The following RPL34 variants were observed in gnomAD, a reference collection of about 807,000 sequenced individuals.
RPL34 encodes ribosomal protein L34, also known as large ribosomal subunit protein eL34.
Under a neutral mutation model 16.3 loss-of-function variants are expected in RPL34, and 2 were observed. That is an observed-to-expected ratio of 0.12 (90% CI 0.05 to 0.39). RPL34 has a LOEUF of 0.39. RPL34 is among the 10% of genes least tolerant of loss of function. RPL34 has a pLI of 0.99. For missense variants in RPL34, 82 were observed against 148.8 expected (o/e 0.55, Z 2.33); for synonymous variants, 47 against 48.5 (o/e 0.97, Z 0.13).
chr4:108,622,228 C>CCCCTAACA (rs1278720197), intron 3 of RPL34, 24 bp downstream of exon 3: 34 of 1,494,212 alleles, frequency 2.3e-5, no homozygotes, highest in Non-Finnish European at 7.4e-6. Context: ...TTACTGTGTG[C>CCCCTAACA]AGCCTAACAA....
chr4:108,624,335 GT>G (rs1725906505), intron 4 of RPL34, among the ~76,000 whole-genome samples: 1 of 152,172 alleles, frequency 6.6e-6, no homozygotes, highest in Admixed American at 6.5e-5. Context: ...AAAACCCAGA[GT>G]TTTGAGGGTA....
intron 1 of RPL34, 105 bp downstream of exon 1, chr4:108,620,705 G>T (rs1374238655): frequency 5.1e-6 from 1 of 195,304 alleles, no homozygotes; most frequent in African/African-American, 2.3e-5. Context: ...CTTTGAGCTG[G>T]TGTAGGGGTA....
In RPL34 at chr4:108,622,541, T is replaced by C. The variant is rs925429853; in HGVS notation, c.192T>C (p.Leu64=). Residue 64 remains leucine, a synonymous_variant, in exon 4 of 5, where the codon CTT becomes CTC. Transcript: ENST00000394667. ...RGVRAVRPKV[L]MRLSKTKKHV... ...TTCGTGCTGTAAGACCTAAAGTTCTTATGAGATTGTCCAAAACAAAGAAAC... is the reference window on the plus strand; with the variant it reads ...TTCGTGCTGTAAGACCTAAAGTTCTCATGAGATTGTCCAAAACAAAGAAAC... 6.2e-7 allele frequency: 1 copy of C among 1,611,712 alleles called. No individual in the cohort carries two copies.
chr4:108,627,539 G>A (rs369763166), downstream of RPL34, among the ~76,000 whole-genome samples: 6 of 152,208 alleles, frequency 3.9e-5, no homozygotes, highest in South Asian at 2.1e-4. Context: ...GAACTAGTAA[G>A]TGGCAAAGCT....
chr4:108,621,495 A>G (rs552152016), intron 1 of RPL34: 1 of 184,418 alleles, frequency 5.4e-6, no homozygotes, highest in Non-Finnish European at 1.2e-5. Flanking sequence ...GTTTAATCCT[A>G]ATGACAGCTG....
chr4:108,628,345 C>A (rs918683346), downstream of RPL34, among the ~76,000 whole-genome samples: 1 of 137,710 alleles, frequency 7.3e-6, no homozygotes, highest in African/African-American at 2.5e-5. Flanking sequence ...CCAAGCAGTT[C>A]TGTGACTGTG....
chr4:108,624,271 T>A (rs564061003), intron 4 of RPL34, among the ~76,000 whole-genome samples: 1 of 152,306 alleles, frequency 6.6e-6, no homozygotes, highest in Admixed American at 6.5e-5. Flanking sequence ...TTTTAAGTGA[T>A]TCAGTTGTAT....
At chr4:108,626,596 A>G (rs1726010967), downstream of RPL34, among the ~76,000 whole-genome samples, 1 of 151,140 alleles carries the variant, frequency 6.6e-6, no homozygotes, top group Admixed American at 6.6e-5. Flanking sequence ...CCACCACCAC[A>G]CCCGGCTAAT....
At chr4:108,621,289 A>G (rs926427926) in intron 1 of RPL34, 3 of 152,578 alleles carry the variant, frequency 2.0e-5, no homozygotes, top group Admixed American at 6.5e-5. Context: ...TCGTATGCAT[A>G]TCTGTATAAC....
Position 108,620,596 on chromosome 4 carries a change from T to C in RPL34, c.-14T>C, listed in dbSNP as rs999462339. On this transcript the variant is annotated 5_prime_UTR_variant, in exon 1 of 5. Coordinates refer to ENST00000394667, the MANE Select transcript of RPL34 (RefSeq NM_001319236.2). ...TTCTTCCTCTTCCGGGGACGTTGTC[T>C]GCAGGTATGGATGTTGTTCTCTTTT... 3 of 319,354 alleles carry C rather than the reference T, an allele frequency of 9.4e-6. No individual in the cohort carries two copies. Among genetic ancestry groups the C allele is most frequent in the South Asian group, 7.5e-5 (3 of 39,954 alleles). 19.8% of individuals were successfully genotyped at this position (319,354 alleles called of 1,614,324 possible). A position where few individuals can be genotyped will look rare whatever the true frequency, so the allele number is the denominator to read the frequency against.
At chr4:108,628,057 G>A, downstream of RPL34, among the ~76,000 whole-genome samples, 1 of 152,134 alleles carries the variant, frequency 6.6e-6, no homozygotes, top group East Asian at 1.9e-4. Context: ...TAGTGAATAA[G>A]TGTAATGACC....
downstream of RPL34, among the ~76,000 whole-genome samples, chr4:108,626,090 A>G (rs1002821605): frequency 3.3e-5 from 5 of 152,192 alleles, no homozygotes; most frequent in African/African-American, 1.2e-4. Flanking sequence ...CATTGGATTT[A>G]TTATCCAGGC....
At chr4:108,621,878 C>T in intron 1 of RPL34, 73 bp from the exon 2 acceptor site, 2 of 976,098 alleles carry the variant, frequency 2.0e-6, no homozygotes, top group African/African-American at 3.2e-5. Context: ...TGAAATAGAC[C>T]ACATGATACT....
chr4:108,624,445 AC>A (rs1390434890), intron 4 of RPL34, among the ~76,000 whole-genome samples: 3 of 152,198 alleles, frequency 2.0e-5, no homozygotes, highest in African/African-American at 7.2e-5. Flanking sequence ...CTCTGATTTA[AC>A]AAATGCTAGG....
At chr4:108,628,575 T>C (rs1330062121), downstream of RPL34, among the ~76,000 whole-genome samples, 2 of 152,144 alleles carry the variant, frequency 1.3e-5, no homozygotes, top group Admixed American at 1.3e-4. Context: ...CTCCCTCTCC[T>C]TGCTGCTCCA....
intron 4 of RPL34, among the ~76,000 whole-genome samples, chr4:108,624,224 C>G (rs571747512): frequency 1.3e-5 from 2 of 152,280 alleles, no homozygotes; most frequent in Non-Finnish European, 2.9e-5. Flanking sequence ...CTGAGCAGGT[C>G]TGCATGTGGT....
chr4:108,625,023 C>T (rs564353420), intron 4 of RPL34, 105 bp from the exon 5 acceptor site: 4 of 712,344 alleles, frequency 5.6e-6, no homozygotes, highest in African/African-American at 3.6e-5. Context: ...TTCCTGGGTT[C>T]CCTGATTGCT....
chr4:108,622,652 A>G, intron 4 of RPL34, 34 bp downstream of exon 4: 1 of 1,350,978 alleles, frequency 7.4e-7, no homozygotes, highest in Non-Finnish European at 1.0e-6. Flanking sequence ...TTTCCTTAGC[A>G]AATTATTGTG....
At chr4:108,620,705 G>A (rs1374238655) in intron 1 of RPL34, 105 bp downstream of exon 1, 2 of 195,304 alleles carry the variant, frequency 1.0e-5, no homozygotes, top group African/African-American at 4.7e-5. Flanking sequence ...CTTTGAGCTG[G>A]TGTAGGGGTA....
Sources: gnomAD v4.1 joint callset for allele counts (sites outside exome capture counted in the v4.1 genomes callset) on GRCh38, gnomAD v4.1.1 for gene constraint, MANE v1.5 for transcripts, NCBI Gene and HGNC (gene_info 2026-07-23, HGNC 2026-07-21) for gene names.